RORB: variants seen among roughly 807,000 people sequenced by gnomAD.
The protein encoded by RORB is nuclear receptor ROR-beta.
RORB carries 6 observed loss-of-function variants against 59.1 expected under a neutral mutation model. The ratio of observed to expected loss-of-function variants is 0.10; its 90% CI spans 0.06 to 0.20. The LOEUF is 0.20. RORB is among the 10% of genes least tolerant of loss of function. The probability of loss-of-function intolerance (pLI) is 1.00; values close to 1 mark genes in which losing one functional copy is unlikely to be tolerated. For synonymous variants in RORB, 215 were observed against 204.5 expected, an observed-to-expected ratio of 1.05 and a Z score of -0.44; for missense variants, 320 against 560.5, an observed-to-expected ratio of 0.57 and a Z score of 4.33.
At chr9:74,499,663 T>A (rs1359274298) in intron 1 of RORB, among the ~76,000 whole-genome samples, 1 of 152,080 alleles carries the variant, frequency 6.6e-6, no homozygotes, top group Admixed American at 6.5e-5. Flanking sequence ...ACTTGGGCAA[T>A]TGGAGAGTAG....
At chr9:74,526,076 A>T (rs940505723) in intron 1 of RORB, among the ~76,000 whole-genome samples, 4 of 151,598 alleles carry the variant, frequency 2.6e-5, no homozygotes, top group African/African-American at 9.7e-5. Flanking sequence ...GCTATCAAAA[A>T]CTCTTCTAAT....
At chr9:74,559,686 A>G (rs1273069227) in intron 1 of RORB, among the ~76,000 whole-genome samples, 2 of 152,210 alleles carry the variant, frequency 1.3e-5, no homozygotes, top group Non-Finnish European at 2.9e-5. Context: ...TAGACAGGAT[A>G]ATAATAGTAA....
At chr9:74,614,799 T>C (rs1823285831) in intron 1 of RORB, among the ~76,000 whole-genome samples, 1 of 152,194 alleles carries the variant, frequency 6.6e-6, no homozygotes, top group Non-Finnish European at 1.5e-5. Context: ...TTTGTTCCCA[T>C]GGAAGTTAAC....
At chr9:74,611,594 A>G (rs1563952360) in intron 1 of RORB, among the ~76,000 whole-genome samples, 1 of 152,174 alleles carries the variant, frequency 6.6e-6, no homozygotes, top group African/African-American at 2.4e-5. Flanking sequence ...CCCAGTGTTG[A>G]GTCAAGCAAC....
intron 5 of RORB, among the ~76,000 whole-genome samples, chr9:74,661,947 G>A (rs1163649445): frequency 1.3e-5 from 2 of 151,842 alleles, no homozygotes; most frequent in Non-Finnish European, 1.5e-5. Context: ...GCCCGGCCTC[G>A]GAATTCTTTT....
At chr9:74,663,870 G>A (rs1025682475) in intron 6 of RORB, among the ~76,000 whole-genome samples, 9 of 152,136 alleles carry the variant, frequency 5.9e-5, no homozygotes, top group Admixed American at 2.6e-4. Context: ...TGTTCTCTAG[G>A]TTCCAAAAGC....
At chr9:74,662,289 A>G (rs1470229474) in intron 5 of RORB, among the ~76,000 whole-genome samples, 185 bp from the exon 6 acceptor site, 1 of 152,186 alleles carries the variant, frequency 6.6e-6, no homozygotes, top group African/African-American at 2.4e-5. Flanking sequence ...TGAGGTCCAA[A>G]CAGGTCAAAA....
At chr9:74,655,320 A>G (rs1156963616) in intron 4 of RORB, among the ~76,000 whole-genome samples, 2 of 152,148 alleles carry the variant, frequency 1.3e-5, no homozygotes, top group Non-Finnish European at 2.9e-5. Context: ...AGAATTTCCC[A>G]TCAGTTAGTT....
At chr9:74,661,754 C>T (rs968549008) in intron 5 of RORB, among the ~76,000 whole-genome samples, 2 of 145,100 alleles carry the variant, frequency 1.4e-5, no homozygotes, top group Admixed American at 7.2e-5. Context: ...ACGCCATTCT[C>T]CTGCCTCAGC....
chr9:74,564,172 C>A (rs1250788238), intron 1 of RORB, among the ~76,000 whole-genome samples: 1 of 152,120 alleles, frequency 6.6e-6, no homozygotes. Context: ...GGCCATGTTA[C>A]CTTAGAGGAG....
chr9:74,601,673 C>T (rs1011974788), intron 1 of RORB, among the ~76,000 whole-genome samples: 2 of 152,118 alleles, frequency 1.3e-5, no homozygotes, highest in African/African-American at 4.8e-5. Context: ...GACTTCCTAC[C>T]GTGGGACATT....
chr9:74,674,135 C>T (rs1202568420), intron 9 of RORB, among the ~76,000 whole-genome samples: 2 of 152,108 alleles, frequency 1.3e-5, no homozygotes, highest in Admixed American at 1.3e-4. Context: ...GATGCCCTCT[C>T]ATCAAATTCC....
intron 1 of RORB, among the ~76,000 whole-genome samples, chr9:74,557,103 G>A (rs929281868): frequency 6.6e-6 from 1 of 151,978 alleles, no homozygotes; most frequent in Non-Finnish European, 1.5e-5. Flanking sequence ...CATAAGACAC[G>A]GGTGAAGTTG....
intron 1 of RORB, among the ~76,000 whole-genome samples, chr9:74,507,900 T>G (rs1411976115): frequency 3.3e-5 from 5 of 152,040 alleles, no homozygotes; most frequent in Non-Finnish European, 5.9e-5. Flanking sequence ...TCTGGTAGAA[T>G]AGAGGAACAT....
chr9:74,506,687 G>T (rs1825874993), intron 1 of RORB, among the ~76,000 whole-genome samples: 1 of 152,066 alleles, frequency 6.6e-6, no homozygotes, highest in South Asian at 2.1e-4. Context: ...TTTGAAACTT[G>T]CAGGCAGCCA....
intron 2 of RORB, among the ~76,000 whole-genome samples, chr9:74,632,259 A>T (rs1017948291): frequency 6.6e-6 from 1 of 152,212 alleles, no homozygotes; most frequent in Admixed American, 6.5e-5. Flanking sequence ...AGAATCCACA[A>T]TCAAAGAAAT....
chr9:74,630,393 T>G, intron 2 of RORB, 26 bp downstream of exon 2: 1 of 1,576,278 alleles, frequency 6.3e-7, no homozygotes, highest in Non-Finnish European at 8.7e-7. Flanking sequence ...ACAGCACGGT[T>G]CTGTATTTGC....
At chr9:74,627,324 A>G (rs561940978) in intron 1 of RORB, among the ~76,000 whole-genome samples, 1 of 152,348 alleles carries the variant, frequency 6.6e-6, no homozygotes, top group Non-Finnish European at 1.5e-5. Context: ...TAAAATGGTC[A>G]CAGATTTCCA....
intron 1 of RORB, among the ~76,000 whole-genome samples, chr9:74,501,391 C>A (rs1212376203): frequency 3.5e-4 from 53 of 152,042 alleles, no homozygotes; most frequent in Admixed American, 3.0e-3. Flanking sequence ...GCTGGCAGGG[C>A]CTTTAGATTA....
Sources: gnomAD v4.1 joint callset for allele counts (sites outside exome capture counted in the v4.1 genomes callset) on GRCh38, gnomAD v4.1.1 for gene constraint, MANE v1.5 for transcripts, NCBI Gene and HGNC (gene_info 2026-07-23, HGNC 2026-07-21) for gene names.